PPP1R13B: variants seen among roughly 807,000 people sequenced by gnomAD.
The protein encoded by PPP1R13B is protein phosphatase 1 regulatory subunit 13B.
Under a neutral mutation model 119.8 loss-of-function variants are expected in PPP1R13B, and 44 were observed. The observed-to-expected ratio is 0.37, with a 90% CI of 0.29 to 0.47. The LOEUF is 0.47. Ranked by LOEUF, PPP1R13B falls within the 20% of genes least tolerant of loss-of-function variation. The probability of loss-of-function intolerance (pLI) is 0.99; values close to 1 mark genes in which losing one functional copy is unlikely to be tolerated. For missense variants in PPP1R13B, 1,227 were observed against 1,413.5 expected (o/e 0.87, Z 2.12); for synonymous variants, 542 against 561.5 (o/e 0.97, Z 0.49).
rs2086381578 is a variant in PPP1R13B at position 103,820,466 on chromosome 14, CA to C, written c.10-22949del. 3.3e-5 allele frequency among the ~76,000 whole-genome samples: 5 copies of C among 151,620 alleles called. No individual in the cohort carries two copies. In the South Asian group the frequency reaches 1.0e-3, roughly 32 times the overall value. ...CCGTATTTTTGACACAAAAATAAAA[CA>C]TTCAATAAACATTCACATTAGTCCT... On this transcript the variant is annotated intron_variant, in intron 1 of 16. Transcript: ENST00000202556.
chr14:103,830,280 C>T (rs1595835300), intron 1 of PPP1R13B, among the ~76,000 whole-genome samples: 1 of 151,554 alleles, frequency 6.6e-6, no homozygotes, highest in Non-Finnish European at 1.5e-5. Flanking sequence ...ATTTTTAGTA[C>T]AGATGAGGTT....
At chr14:103,743,224 T>C (rs945179476) in intron 9 of PPP1R13B, among the ~76,000 whole-genome samples, 10 of 152,244 alleles carry the variant, frequency 6.6e-5, no homozygotes, top group African/African-American at 1.9e-4. Context: ...TACAATTACA[T>C]AGAGCAATAA....
intron 1 of PPP1R13B, among the ~76,000 whole-genome samples, chr14:103,813,737 T>C (rs148624652): frequency 1.8e-4 from 27 of 152,272 alleles, no homozygotes; most frequent in East Asian, 7.7e-4. Flanking sequence ...TCCTGACATT[T>C]TGACACGTAT....
chr14:103,830,039 A>G (rs1321060914), intron 1 of PPP1R13B, among the ~76,000 whole-genome samples: 1 of 151,866 alleles, frequency 6.6e-6, no homozygotes, highest in Admixed American at 6.6e-5. Flanking sequence ...GGCCTCCCAA[A>G]GTGCTGGGAT....
At chr14:103,843,931 G>A (rs550947825) in intron 1 of PPP1R13B, among the ~76,000 whole-genome samples, 12 of 144,000 alleles carry the variant, frequency 8.3e-5, no homozygotes, top group African/African-American at 2.6e-4. Context: ...CCAGCGTGGC[G>A]ACAGAGCAAG....
intron 1 of PPP1R13B, among the ~76,000 whole-genome samples, chr14:103,832,737 G>T (rs538290820): frequency 2.5e-4 from 38 of 152,130 alleles, no homozygotes; most frequent in Admixed American, 1.4e-3. Context: ...GAGGCCAAGG[G>T]GGGGCGGGGT....
intron 9 of PPP1R13B, 82 bp downstream of exon 9, chr14:103,746,291 T>TTGGGGGGGGG: frequency 7.4e-6 from 2 of 272,100 alleles, no homozygotes; most frequent in South Asian, 5.4e-5. Flanking sequence ...CTCAGGAGCC[T>TTGGGGGGGGG]GCCCCACCCC....
rs536633337 is a variant in PPP1R13B at position 103,739,275 on chromosome 14, T to C, written c.2593-252A>G. 27 of 486,720 alleles carry C rather than the reference T, an allele frequency of 5.5e-5. No homozygotes were observed. In the East Asian group the frequency reaches 7.7e-4, roughly 14 times the overall value. 30.2% of individuals were successfully genotyped at this position (486,720 alleles called of 1,614,324 possible). A position where few individuals can be genotyped will look rare whatever the true frequency, so the allele number is the denominator to read the frequency against. On this transcript the variant is annotated intron_variant, in intron 12 of 16. Coordinates refer to ENST00000202556, the MANE Select transcript of PPP1R13B (RefSeq NM_015316.3). ...CACGCACAGAGGGACACGGCTGTGTTTGAGCTTCTGGCCACTCCTCGGAAG... is the reference window on the plus strand; with the variant it reads ...CACGCACAGAGGGACACGGCTGTGTCTGAGCTTCTGGCCACTCCTCGGAAG...
rs1384956599 is a variant in PPP1R13B, at chr14:103,734,965, C to T, written c.*189G>A. 3 of 729,962 alleles carry T rather than the reference C, an allele frequency of 4.1e-6. No individual in the cohort carries two copies. The highest frequency in any genetic ancestry group is 4.9e-6 in the Non-Finnish European group (2 of 409,484). The allele number at this position is 729,962 out of a possible 1,614,324, so 45.2% of individuals were successfully genotyped here. A position where few individuals can be genotyped will look rare whatever the true frequency, so the allele number is the denominator to read the frequency against. On this transcript the variant is annotated 3_prime_UTR_variant, in exon 17 of 17. Coordinates refer to ENST00000202556, the MANE Select transcript of PPP1R13B (RefSeq NM_015316.3). Reference sequence around the variant, plus strand: ...AGTCCTTGGAGGCGAAAGTACCTCTCCCAGTTAATGGGCAAACTGGAGAAA... The same window carrying T: ...AGTCCTTGGAGGCGAAAGTACCTCTTCCAGTTAATGGGCAAACTGGAGAAA...
chr14:103,846,868 GGAATGCGCCTGCA>G (rs1270701108), intron 1 of PPP1R13B: 28 of 560,046 alleles, frequency 5.0e-5, no homozygotes, highest in Non-Finnish European at 8.4e-5. Flanking sequence ...GAAGGCTACG[GGAATGCGCCTGCA>G]GAGTGTGGGA....
At chr14:103,762,834 C>G (rs757637791) in intron 4 of PPP1R13B, 10 of 1,003,568 alleles carry the variant, frequency 1.0e-5, no homozygotes, top group Non-Finnish European at 1.4e-5. Flanking sequence ...GAGAAAGAAT[C>G]ACCAAAAGCA....
intron 4 of PPP1R13B, among the ~76,000 whole-genome samples, chr14:103,758,110 T>C (rs1334948292): frequency 1.3e-5 from 2 of 152,178 alleles, no homozygotes; most frequent in African/African-American, 4.8e-5. Flanking sequence ...AAAATATAAA[T>C]ATGCAGGTAA....
chr14:103,847,985 C>T (rs2087111154), upstream of PPP1R13B, among the ~76,000 whole-genome samples: 1 of 151,678 alleles, frequency 6.6e-6, no homozygotes, highest in South Asian at 2.1e-4. Context: ...CGGCGCGCGC[C>T]CGCACTCTGA....
Position 103,802,311 on chromosome 14 carries a change from AAAC to A in PPP1R13B, c.10-4796_10-4794del, listed in dbSNP as rs937303837. 1.1e-4 allele frequency among the ~76,000 whole-genome samples: 16 copies of A among 152,272 alleles called. 1 individual carries two copies. The highest frequency in any genetic ancestry group is 8.5e-4 in the Admixed American group (13 of 15,264). ...GCAAAAGAGTGAGACTCTGTCTCAA[AAAC>A]AACAACAACAACAAAAAGATCTAAT... On this transcript the variant is annotated intron_variant, in intron 1 of 16. Coordinates refer to ENST00000202556, the MANE Select transcript of PPP1R13B (RefSeq NM_015316.3).
chr14:103,737,351 GC>G, intron 15 of PPP1R13B: 1 of 192,944 alleles, frequency 5.2e-6, no homozygotes, highest in South Asian at 1.0e-4. Context: ...GATCGCTGGA[GC>G]CCAGAAGTTC....
At position 103,823,188 on chromosome 14, in the gene PPP1R13B, A is replaced by T. The variant is rs191613193; in HGVS notation, c.9+24111T>A. ...CCTGTCTCTACTAAAAATACAAAAA[A>T]TTAGCTGGGCGTGGTGGCGGGTGCC... is the stretch of plus-strand genomic sequence containing the variant. On this transcript the variant is annotated intron_variant, in intron 1 of 16. Transcript: ENST00000202556. Among the ~76,000 whole-genome samples the T allele has an allele frequency of 1.5e-3, 226 of 152,046 alleles. 2 individuals are homozygous for T. The highest frequency in any genetic ancestry group is 0.014 in the Admixed American group (219 of 15,270).
intron 9 of PPP1R13B, among the ~76,000 whole-genome samples, chr14:103,745,795 GT>G (rs950351881): frequency 1.3e-5 from 2 of 152,006 alleles, no homozygotes; most frequent in Non-Finnish European, 2.9e-5. Flanking sequence ...TCGTGGGTCA[GT>G]TTTTTTTGTT....
Position 103,734,594 on chromosome 14 carries a change from C to T in PPP1R13B, c.*560G>A, listed in dbSNP as rs773451871. ...CAGGAAGCGGAACCCCCAAGGCGGC[C>T]GAGCAGAGTGGGTACTGGGAGGCAT... On this transcript the variant is annotated 3_prime_UTR_variant, in exon 17 of 17. Coordinates refer to ENST00000202556, the MANE Select transcript of PPP1R13B (RefSeq NM_015316.3). 8 of 456,354 alleles carry T rather than the reference C, an allele frequency of 1.8e-5. No individual in the cohort carries two copies. Among genetic ancestry groups the T allele is most frequent in the South Asian group, 4.6e-5 (3 of 64,564 alleles). The allele number at this position is 456,354 out of a possible 1,614,324, so 28.3% of individuals were successfully genotyped here. A position where few individuals can be genotyped will look rare whatever the true frequency, so the allele number is the denominator to read the frequency against.
At chr14:103,789,774 A>G (rs973265984) in intron 2 of PPP1R13B, among the ~76,000 whole-genome samples, 1 of 150,292 alleles carries the variant, frequency 6.7e-6, no homozygotes, top group Non-Finnish European at 1.5e-5. Context: ...TCGGCCTCCC[A>G]AAGTGCTGAG....
Sources: gnomAD v4.1 joint callset for allele counts (sites outside exome capture counted in the v4.1 genomes callset) on GRCh38, gnomAD v4.1.1 for gene constraint, MANE v1.5 for transcripts, NCBI Gene and HGNC (gene_info 2026-07-23, HGNC 2026-07-21) for gene names.